FARS2: variants seen among roughly 807,000 people sequenced by gnomAD.
FARS2 encodes phenylalanyl-tRNA synthetase 2, mitochondrial, also known as phenylalanine--tRNA ligase, mitochondrial.
A neutral mutation model predicts 46.4 loss-of-function variants in FARS2; 40 were observed. The ratio of observed to expected loss-of-function variants is 0.86; its 90% CI spans 0.67 to 1.12. The LOEUF (loss-of-function observed/expected upper bound fraction) is 1.12. FARS2 is among the 50% of genes most tolerant of loss of function. The pLI, the probability that FARS2 is intolerant of heterozygous loss-of-function variation, is 0.00. For missense variants in FARS2, 513 were observed against 567.9 expected, an observed-to-expected ratio of 0.90 and a Z score of 0.98; for synonymous variants, 234 against 214.9, an observed-to-expected ratio of 1.09 and a Z score of -0.78.
intron 1 of FARS2, among the ~76,000 whole-genome samples, chr6:5,294,789 C>T (rs2127521003): frequency 6.6e-6 from 1 of 152,282 alleles, no homozygotes; most frequent in South Asian, 2.1e-4. Flanking sequence ...TTCCACCCTC[C>T]AGGGACCTTC....
intron 4 of FARS2, among the ~76,000 whole-genome samples, chr6:5,494,397 G>A (rs1054629976): frequency 2.6e-5 from 4 of 152,206 alleles, no homozygotes; most frequent in African/African-American, 7.2e-5. Flanking sequence ...ATCCGGGTCT[G>A]TACTGGCTGC....
intron 6 of FARS2, among the ~76,000 whole-genome samples, chr6:5,635,118 G>A (rs1776480001): frequency 1.3e-5 from 2 of 152,214 alleles, no homozygotes; most frequent in Non-Finnish European, 2.9e-5. Flanking sequence ...GGGTTTAACA[G>A]TGAACCGACC....
chr6:5,261,008 C>T (rs1275299971), upstream of FARS2: 4 of 1,071,436 alleles, frequency 3.7e-6, no homozygotes, highest in Non-Finnish European at 4.6e-6. Context: ...CCCGATCCCG[C>T]CCCCGCCCGG....
chr6:5,769,488 G>A (rs1317127360), intron 6 of FARS2, among the ~76,000 whole-genome samples: 1 of 152,230 alleles, frequency 6.6e-6, no homozygotes, highest in African/African-American at 2.4e-5. Flanking sequence ...CACAAAGTGA[G>A]GAGAAAAGAC....
chr6:5,319,679 C>T (rs1328084609), intron 1 of FARS2, among the ~76,000 whole-genome samples: 2 of 152,216 alleles, frequency 1.3e-5, no homozygotes, highest in African/African-American at 2.4e-5. Context: ...GTCTCTCACT[C>T]TGCCTTATGC....
At chr6:5,577,723 A>G (rs1232461725) in intron 5 of FARS2, among the ~76,000 whole-genome samples, 1 of 152,214 alleles carries the variant, frequency 6.6e-6, no homozygotes, top group African/African-American at 2.4e-5. Flanking sequence ...GGATATACCA[A>G]TATCTAGCAG....
At position 5,393,973 on chromosome 6, in the gene FARS2, C is replaced by T. The variant is rs374995095; in HGVS notation, c.613-10569C>T. On this transcript the variant is annotated intron_variant, in intron 2 of 6. Transcript: ENST00000274680. ...TTATTGCCAGGAATGGTCATGGCCA[C>T]ATTGGACCGAAGCTTAAGGCTCTGA... Among the ~76,000 whole-genome samples the T allele has an allele frequency of 2.0e-5, 3 of 152,214 alleles. No homozygotes were observed. The East Asian group carries it at 5.8e-4, about 29-fold the overall frequency.
intron 2 of FARS2, among the ~76,000 whole-genome samples, chr6:5,380,904 G>T (rs1415175910): frequency 2.0e-5 from 3 of 151,886 alleles, no homozygotes; most frequent in Admixed American, 2.0e-4. Flanking sequence ...GTCTTTAGCT[G>T]TATATTTTAG....
intron 6 of FARS2, among the ~76,000 whole-genome samples, chr6:5,687,261 G>A (rs1220374166): frequency 3.3e-5 from 5 of 152,290 alleles, no homozygotes; most frequent in South Asian, 2.1e-4. Flanking sequence ...TTTTAGACAC[G>A]AAGTCCTTGC....
intron 4 of FARS2, among the ~76,000 whole-genome samples, chr6:5,502,893 C>T (rs57471569): frequency 5.3e-5 from 8 of 151,972 alleles, no homozygotes; most frequent in African/African-American, 7.2e-5. Context: ...TCAGTTAATT[C>T]GAATTTTTTT....
intron 4 of FARS2, among the ~76,000 whole-genome samples, chr6:5,502,319 G>T (rs12199468): frequency 0.22 from 33,621 of 152,140 alleles, 5,045 homozygotes; most frequent in Non-Finnish European, 0.33. Context: ...GAATAGTTTG[G>T]CATGCCCTTT....
At chr6:5,539,764 T>C (rs1203020826) in intron 4 of FARS2, among the ~76,000 whole-genome samples, 1 of 152,130 alleles carries the variant, frequency 6.6e-6, no homozygotes, top group Non-Finnish European at 1.5e-5. Flanking sequence ...GGAGCAACTA[T>C]CTCTTGTGGC....
At chr6:5,430,170 C>T (rs537905334) in intron 3 of FARS2, among the ~76,000 whole-genome samples, 7 of 151,964 alleles carry the variant, frequency 4.6e-5, no homozygotes, top group South Asian at 2.1e-4. Context: ...AAGAAGAGGT[C>T]GGCACAGGAA....
intron 2 of FARS2, among the ~76,000 whole-genome samples, chr6:5,369,679 C>A (rs913903640): frequency 1.3e-5 from 2 of 152,098 alleles, no homozygotes; most frequent in Admixed American, 6.5e-5. Flanking sequence ...CAGGCACTTT[C>A]CTCACCCTCC....
intron 3 of FARS2, among the ~76,000 whole-genome samples, chr6:5,409,326 C>T (rs902085050): frequency 2.0e-5 from 3 of 152,094 alleles, no homozygotes; most frequent in African/African-American, 7.2e-5. Context: ...TGGCACACGC[C>T]TGTAGTCCCG....
chr6:5,390,013 C>T (rs116826727), intron 2 of FARS2, among the ~76,000 whole-genome samples: 11,679 of 152,080 alleles, frequency 0.077, 901 homozygotes, highest in African/African-American at 0.2. Flanking sequence ...TACAGGCACG[C>T]GCCACCACGC....
intron 1 of FARS2, among the ~76,000 whole-genome samples, chr6:5,335,349 AG>A (rs1771079229): frequency 6.6e-6 from 1 of 152,220 alleles, no homozygotes; most frequent in South Asian, 2.1e-4. Flanking sequence ...AGTGCCAGGG[AG>A]GGACCCAGAG....
chr6:5,514,164 G>A (rs1400513334), intron 4 of FARS2, among the ~76,000 whole-genome samples: 1 of 152,004 alleles, frequency 6.6e-6, no homozygotes, highest in Non-Finnish European at 1.5e-5. Context: ...GAAATATTGT[G>A]TGTATTACAG....
intron 4 of FARS2, among the ~76,000 whole-genome samples, chr6:5,517,898 C>G (rs1009277753): frequency 3.3e-5 from 5 of 152,116 alleles, no homozygotes; most frequent in Admixed American, 6.5e-5. Context: ...TAATGTAAGT[C>G]CCCGCCTTGG....
Sources: gnomAD v4.1 joint callset for allele counts (sites outside exome capture counted in the v4.1 genomes callset) on GRCh38, gnomAD v4.1.1 for gene constraint, MANE v1.5 for transcripts, NCBI Gene and HGNC (gene_info 2026-07-23, HGNC 2026-07-21) for gene names.